Variants in MDC1 observed in about 807,000 individuals in gnomAD.
MDC1 encodes mediator of DNA damage checkpoint protein 1.
A neutral mutation model predicts 142.5 loss-of-function variants in MDC1; 81 were observed. The ratio of observed to expected loss-of-function variants is 0.57; its 90% CI spans 0.47 to 0.68. MDC1 has a LOEUF of 0.68. MDC1 is among the 30% of genes least tolerant of loss of function. MDC1 has a pLI of 0.00. For synonymous variants in MDC1, 797 were observed against 968.4 expected, an observed-to-expected ratio of 0.82 and a Z score of 3.29; for missense variants, 2,119 against 2,547.9, an observed-to-expected ratio of 0.83 and a Z score of 3.62.
In MDC1 at chr6:30,700,089, T is replaced by C; in HGVS notation, c.*376A>G. ...CAAATAGGAGGTAGGACACCATGAGTGGCATCGAGCAATAACTGCAACAGT... is the reference window on the plus strand; with the variant it reads ...CAAATAGGAGGTAGGACACCATGAGCGGCATCGAGCAATAACTGCAACAGT... On this transcript the variant is annotated 3_prime_UTR_variant, in exon 15 of 15. Coordinates refer to ENST00000376406, the MANE Select transcript of MDC1 (RefSeq NM_014641.3). 1 of 241,488 alleles carries C rather than the reference T, an allele frequency of 4.1e-6. No homozygotes were observed. Among genetic ancestry groups the C allele is most frequent in the Non-Finnish European group, 8.1e-6 (1 of 123,948 alleles). The allele number at this position is 241,488 out of a possible 1,614,324, so 15.0% of individuals were successfully genotyped here.
chr6:30,708,942 C>T (rs1034682268), intron 7 of MDC1, among the ~76,000 whole-genome samples: 1 of 150,634 alleles, frequency 6.6e-6, no homozygotes, highest in South Asian at 2.1e-4. Context: ...CATCATACCA[C>T]TGCATTCCAG....
chr6:30,706,834 A>G (rs1282763182), intron 9 of MDC1, among the ~76,000 whole-genome samples: 1 of 147,992 alleles, frequency 6.8e-6, no homozygotes, highest in African/African-American at 2.5e-5. Context: ...GCCGGGTGAC[A>G]TGCGCCTGTA....
In MDC1 at chr6:30,712,360, C is replaced by T; in HGVS notation, c.1582G>A (p.Glu528Lys). 6.2e-7 allele frequency: 1 copy of T among 1,613,104 alleles called. No individual in the cohort carries two copies. The highest frequency in any genetic ancestry group is 8.5e-7 in the Non-Finnish European group (1 of 1,180,050). The change falls in exon 5 of 15, where the codon GAA becomes AAA. Residue 528 changes from glutamate (E) to lysine (K), a missense_variant. Coordinates refer to ENST00000376406, the MANE Select transcript of MDC1 (RefSeq NM_014641.3). This position sits in a 1 kb window ranked among gnomAD's most constrained non-coding sequence, Gnocchi z 4.7. ...TVDINTQVEK[E>K]VPPGSAIIHI... ...ATAATGGCTGACCCTGGCGGGACTT[C>T]CTTCTCCACTTGTGTGTTGATGTCC... is the stretch of plus-strand genomic sequence containing the variant.
chr6:30,706,062 T>C lies in MDC1; in HGVS notation c.3121A>G (p.Thr1041Ala). The C allele has an allele frequency of 1.9e-6, 3 of 1,596,092 alleles. No individual in the cohort carries two copies. Among genetic ancestry groups the C allele is most frequent in the South Asian group, 1.1e-5 (1 of 90,524 alleles). ...GGTGGGGCTGGGGCTTCAGGTACTG[T>C]AGGAGGCAGACAAGCATCTGGAGAT... ...QESPDACLPP[T>A]VPEAPAPPQK... The change falls in exon 10 of 15, where the codon ACA becomes GCA. Residue 1041 changes from threonine (T) to alanine (A), a missense_variant. Coordinates refer to ENST00000376406, the MANE Select transcript of MDC1 (RefSeq NM_014641.3).
In MDC1 at chr6:30,702,855, A is replaced by G. The variant is rs749360038; in HGVS notation, c.5888T>C (p.Leu1963Ser). 1 of 1,613,162 alleles carries G rather than the reference A, an allele frequency of 6.2e-7. No individual in the cohort carries two copies. The highest frequency in any genetic ancestry group is 8.5e-7 in the Non-Finnish European group (1 of 1,180,042). The change falls in exon 13 of 15, where the codon TTA becomes TCA. Residue 1963 changes from leucine (L) to serine (S), a missense_variant. Leu to Ser is a moderately radical substitution (Grantham distance 145, BLOSUM62 -2). Coordinates refer to ENST00000376406, the MANE Select transcript of MDC1 (RefSeq NM_014641.3). ...GGTCACCACATATTCATCCGGGGGT[A>G]AGAAGAAACCAGCCTTGCGGGACTA... ...LHQSRKAGFF[L>S]PPDEYVVTDP...
chr6:30,711,918 T>G lies in MDC1; in HGVS notation c.2024A>C (p.Glu675Ala). Residue 675 changes from glutamate (E) to alanine (A), a missense_variant, in exon 5 of 15, where the codon GAA (glutamate) becomes GCA (alanine). Coordinates refer to ENST00000376406, the MANE Select transcript of MDC1 (RefSeq NM_014641.3). ...GTCCTTGGTCCCACCCACATGTTGT[T>G]CTCTCTCCCTTCCTGTGGGGACCTG... ...GAQVPTGRER[E>A]QHVGGTKDSE... 1 of 1,538,974 alleles carries G rather than the reference T, an allele frequency of 6.5e-7. No individual in the cohort carries two copies. The highest frequency in any genetic ancestry group is 1.3e-5 in the South Asian group (1 of 78,064).
chr6:30,706,510 T>C (rs577842798), intron 9 of MDC1, among the ~76,000 whole-genome samples: 2 of 150,684 alleles, frequency 1.3e-5, no homozygotes, highest in African/African-American at 2.4e-5. Flanking sequence ...TAGTCCCAGC[T>C]ACTTGGAAGG....
At position 30,699,882 on chromosome 6, in the gene MDC1, G is replaced by A. The variant is rs527670141; in HGVS notation, c.*583C>T. 6.3e-5 allele frequency: 14 copies of A among 222,684 alleles called. No homozygotes were observed. The highest frequency in any genetic ancestry group is 3.1e-4 in the African/African-American group (14 of 44,804). The allele number at this position is 222,684 out of a possible 1,614,324, so 13.8% of individuals were successfully genotyped here. ...AATTTTATAAATCCTGGAAAAGCTG[G>A]CCAGAAAAGTACAGAGACTTGCCCA... On this transcript the variant is annotated 3_prime_UTR_variant, in exon 15 of 15. Transcript: ENST00000376406.
In MDC1 at chr6:30,707,736, C is replaced by T. The variant is rs757301316; in HGVS notation, c.2843G>A (p.Arg948Lys). 5.8e-5 allele frequency: 94 copies of T among 1,613,012 alleles called. No individual in the cohort carries two copies. Among genetic ancestry groups the T allele is most frequent in the Non-Finnish European group, 7.8e-5 (92 of 1,180,050 alleles). Residue 948 changes from arginine (R) to lysine (K), a missense_variant, in exon 8 of 15, where the codon AGA (arginine) becomes AAA (lysine). Physicochemically the swap from Arg to Lys is conservative, Grantham distance 26. Coordinates refer to ENST00000376406, the MANE Select transcript of MDC1 (RefSeq NM_014641.3). ...CTGGCTCCCTCCCTCTGGCTCCCCT[C>T]TCTGTGTATCTCTCTCCAGGATCAC... ...PKVILERDTQRGEPEGGSQDQ... is the reference protein window; with the variant it reads ...PKVILERDTQKGEPEGGSQDQ...
rs1274447811 is a variant in MDC1, at chr6:30,713,632, A to G, written c.587+16T>C. ...CTCATTTTGAAGACTCAGGTGTCTG[A>G]CTCTTTGGCACTCACCTCTCTGGAA... On this transcript the variant is annotated intron_variant, in intron 4 of 14. Transcript: ENST00000376406. The surrounding 1 kb of genome is among the most constrained non-coding windows in gnomAD (Gnocchi z 4.9). The G allele has an allele frequency of 6.2e-7, 1 of 1,611,564 alleles. No individual in the cohort carries two copies. Among genetic ancestry groups the G allele is most frequent in the Middle Eastern group, 1.7e-4 (1 of 6,054 alleles).
chr6:30,715,553 G>A lies in MDC1; in HGVS notation c.-3-375C>T, dbSNP rs1775542507. On this transcript the variant is annotated intron_variant, in intron 1 of 14. Coordinates refer to ENST00000376406, the MANE Select transcript of MDC1 (RefSeq NM_014641.3). This position sits in a 1 kb window ranked among gnomAD's most constrained non-coding sequence, Gnocchi z 4.1. ...GGGGTTTTGCCATATTGGCCAGGGT[G>A]GACTCGAACTCTTGACCTTGGGTGA... 1.3e-5 allele frequency among the ~76,000 whole-genome samples: 2 copies of A among 152,200 alleles called. No homozygotes were observed.
At chr6:30,700,679 G>A (rs1311199078) in intron 14 of MDC1, 47 bp from the exon 15 acceptor site, 1 of 1,606,112 alleles carries the variant, frequency 6.2e-7, no homozygotes, top group Admixed American at 1.7e-5. Flanking sequence ...AAGAATCCTA[G>A]AAATGGGTTC....
Position 30,715,020 on chromosome 6 carries a change from A to C in MDC1, c.136+20T>G. On this transcript the variant is annotated intron_variant, in intron 2 of 14. Transcript: ENST00000376406. The surrounding 1 kb of genome is among the most constrained non-coding windows in gnomAD (Gnocchi z 4.1). ...AATAAAAGATCTATATCAATACTTG[A>C]ACATCCAATACCCTCTGACCTTTTT... The C allele has an allele frequency of 6.2e-7, 1 of 1,613,338 alleles. No individual in the cohort carries two copies. The highest frequency in any genetic ancestry group is 8.5e-7 in the Non-Finnish European group (1 of 1,179,366).
intron 7 of MDC1, 147 bp from the exon 8 acceptor site, chr6:30,708,504 A>G: frequency 1.5e-6 from 1 of 684,932 alleles, no homozygotes; most frequent in East Asian, 2.7e-5. Context: ...ACAGGTTATT[A>G]AAGGTAAGCT....
Position 30,705,943 on chromosome 6 carries a change from C to A in MDC1, c.3240G>T (p.Lys1080Asn), listed in dbSNP as rs1367488893. 1 of 1,613,824 alleles carries A rather than the reference C, an allele frequency of 6.2e-7. No homozygotes were observed. Among genetic ancestry groups the A allele is most frequent in the Admixed American group, 1.7e-5 (1 of 59,976 alleles). The change falls in exon 10 of 15, where the codon AAG becomes AAT. Residue 1080 changes from lysine (K) to asparagine (N), a missense_variant. Physicochemically the swap from Lys to Asn is moderately conservative, Grantham distance 94. Coordinates refer to ENST00000376406, the MANE Select transcript of MDC1 (RefSeq NM_014641.3). ...LLPSIKPTVR[K>N]TRQDGSQEAP... ...CTTCCTGACTCCCATCTTGCCTGGT[C>A]TTACGAACGGTTGGCTTGATAGAAG...
Position 30,715,058 on chromosome 6 carries a change from C to T in MDC1, c.118G>A (p.Ala40Thr), listed in dbSNP as rs1195033668. Reference sequence around the variant, plus strand: ...CTCTGACCTTTTTCTGGTCCATGGGCACCACTAAAGATATGTAGCCGCCCT... The same window carrying T: ...CTCTGACCTTTTTCTGGTCCATGGGTACCACTAAAGATATGTAGCCGCCCT... ...PVGRLHIFSG[A>T]HGPEKDFPLH... Residue 40 changes from alanine (A) to threonine (T), a missense_variant, in exon 2 of 15, where the codon GCC becomes ACC. Transcript: ENST00000376406. The surrounding 1 kb of genome is among the most constrained non-coding windows in gnomAD (Gnocchi z 4.1). 1 of 1,614,168 alleles carries T rather than the reference C, an allele frequency of 6.2e-7. No homozygotes were observed. The highest frequency in any genetic ancestry group is 2.2e-5 in the East Asian group (1 of 44,876).
At chr6:30,702,304 TA>T (rs1772881364) in intron 14 of MDC1, among the ~76,000 whole-genome samples, 1 of 136,040 alleles carries the variant, frequency 7.4e-6, no homozygotes, top group Admixed American at 7.3e-5. Context: ...AAAAAAGGGA[TA>T]GATGGAGCAA....
rs758347972 is a variant in MDC1, at chr6:30,703,498, G to A, written c.5602C>T (p.Gln1868Ter). 2 of 1,613,534 alleles carry A rather than the reference G, an allele frequency of 1.2e-6. No homozygotes were observed. The highest frequency in any genetic ancestry group is 2.2e-5 in the East Asian group (1 of 44,894). Reference protein sequence around the residue: ...TPKPGKRKRDQAEEEPNRIPS... With the variant: ...TPKPGKRKRD The stretch of plus-strand genomic sequence containing the variant: ...ATTCTGTTGGGCTCCTCCTCTGCCT[G>A]GTCTCTCTTTCTCTTGCCTGGTTTT... Residue 1868 changes from glutamine (Q) to a stop codon, truncating the protein, a stop_gained, in exon 11 of 15, where the codon CAG becomes TAG. Coordinates refer to ENST00000376406, the MANE Select transcript of MDC1 (RefSeq NM_014641.3). LOFTEE classifies it high-confidence loss of function. This position sits in a 1 kb window ranked among gnomAD's most constrained non-coding sequence, Gnocchi z 4.4.
chr6:30,703,231 C>T lies in MDC1; in HGVS notation c.5738G>A (p.Gly1913Glu). The change falls in exon 12 of 15, where the codon GGG (glycine) becomes GAG (glutamate). Residue 1913 changes from glycine to glutamate, a missense_variant. Physicochemically the swap from Gly to Glu is moderately conservative, Grantham distance 98. Coordinates refer to ENST00000376406, the MANE Select transcript of MDC1 (RefSeq NM_014641.3). This position sits in a 1 kb window ranked among gnomAD's most constrained non-coding sequence, Gnocchi z 4.4. The stretch of plus-strand genomic sequence containing the variant: ...TGCCGCTGAACCAGCCAGACTTCCC[C>T]CCAGTGCCAGCACAGCCCGCTCTCC... ...ARGERAVLAL[G>E]GSLAGSAAEA... 1 of 1,613,086 alleles carries T rather than the reference C, an allele frequency of 6.2e-7. No homozygotes were observed. The highest frequency in any genetic ancestry group is 1.6e-4 in the Middle Eastern group (1 of 6,062).
Sources: allele counts gnomAD v4.1 joint callset (sites outside exome capture counted in the v4.1 genomes callset), GRCh38; gene constraint gnomAD v4.1.1; non-coding constraint Gnocchi (gnomAD v3.1); transcripts MANE v1.5; gene names NCBI Gene and HGNC (gene_info 2026-07-23, HGNC 2026-07-21).